Variants in TCF12 observed in about 807,000 individuals in gnomAD.
TCF12 encodes transcription factor 12.
TCF12 carries 45 observed loss-of-function variants against 86.0 expected under a neutral mutation model. That is an observed-to-expected ratio of 0.52 (90% CI 0.41 to 0.67). The LOEUF (loss-of-function observed/expected upper bound fraction) is 0.67. TCF12 is among the 30% of genes least tolerant of loss of function. The pLI, the probability that TCF12 is intolerant of heterozygous loss-of-function variation, is 0.00. For missense variants in TCF12, 881 were observed against 859.9 expected, an observed-to-expected ratio of 1.02 and a Z score of -0.31; for synonymous variants, 330 against 299.6, an observed-to-expected ratio of 1.10 and a Z score of -1.05.
intron 3 of TCF12, among the ~76,000 whole-genome samples, chr15:57,014,937 G>A (rs1029801781): frequency 4.1e-4 from 62 of 150,986 alleles, no homozygotes; most frequent in Admixed American, 2.1e-3. Context: ...TTCTTTTGCA[G>A]TGACTCTTCC....
At chr15:57,057,803 T>G (rs191450831) in intron 3 of TCF12, among the ~76,000 whole-genome samples, 1 of 152,328 alleles carries the variant, frequency 6.6e-6, no homozygotes, top group East Asian at 1.9e-4. Context: ...TTTAGGAGAC[T>G]ATTACAGTAA....
intron 3 of TCF12, among the ~76,000 whole-genome samples, chr15:57,018,447 G>T (rs2585084): frequency 0.95 from 144,239 of 152,236 alleles, 68,573 homozygotes; most frequent in Non-Finnish European, 0.99. Context: ...TCTCTGGGCC[G>T]GATTTATTTA....
chr15:57,198,579 G>A (rs1176546703), intron 8 of TCF12, among the ~76,000 whole-genome samples: 5 of 152,150 alleles, frequency 3.3e-5, no homozygotes, highest in Non-Finnish European at 7.4e-5. Context: ...TACTTGTAAA[G>A]GAACCTGCAT....
intron 16 of TCF12, among the ~76,000 whole-genome samples, chr15:57,260,409 C>T (rs1254496663): frequency 6.6e-6 from 1 of 152,118 alleles, no homozygotes; most frequent in East Asian, 1.9e-4. Flanking sequence ...TATTGTCTTA[C>T]ATAGCTATAA....
chr15:57,185,042 G>A (rs1206105529), intron 6 of TCF12, among the ~76,000 whole-genome samples: 2 of 151,834 alleles, frequency 1.3e-5, no homozygotes, highest in Non-Finnish European at 2.9e-5. Context: ...TGTATCTATT[G>A]GAATTTGTAC....
intron 19 of TCF12, among the ~76,000 whole-genome samples, chr15:57,279,229 G>A (rs1392168211): frequency 4.6e-5 from 7 of 151,944 alleles, no homozygotes; most frequent in Non-Finnish European, 1.0e-4. Context: ...CTTAACCTCA[G>A]CAGCTATCTC....
chr15:57,198,118 G>A (rs2151745773), intron 8 of TCF12, among the ~76,000 whole-genome samples: 1 of 152,300 alleles, frequency 6.6e-6, no homozygotes, highest in East Asian at 1.9e-4. Context: ...GATCTCCTAT[G>A]CAGGTCTTTT....
chr15:57,192,018 T>C (rs899928232), intron 6 of TCF12, 140 bp from the exon 7 acceptor site: 6 of 877,718 alleles, frequency 6.8e-6, no homozygotes, highest in Non-Finnish European at 1.0e-5. Flanking sequence ...AGTGGTCTAA[T>C]TGAATTCAAA....
intron 3 of TCF12, among the ~76,000 whole-genome samples, chr15:56,977,901 C>A (rs144217015): frequency 6.6e-6 from 1 of 152,066 alleles, no homozygotes; most frequent in Non-Finnish European, 1.5e-5. Flanking sequence ...AACTTACTGG[C>A]TTGGAGATAG....
chr15:57,248,544 A>G (rs2059965766), intron 13 of TCF12, among the ~76,000 whole-genome samples: 1 of 152,204 alleles, frequency 6.6e-6, no homozygotes, highest in African/African-American at 2.4e-5. Context: ...CTCAGTAGTA[A>G]TCTTCAGAGC....
intron 5 of TCF12, among the ~76,000 whole-genome samples, chr15:57,105,129 C>T (rs756010705): frequency 7.0e-4 from 105 of 150,724 alleles, no homozygotes; most frequent in Middle Eastern, 3.6e-3. Flanking sequence ...CCACCCTGGC[C>T]TCCCAAAGTG....
At chr15:57,223,105 T>TAAACTTTGTTTAAACTTTAAACAAAGTTA (rs2058679639) in intron 8 of TCF12, among the ~76,000 whole-genome samples, 3 of 152,032 alleles carry the variant, frequency 2.0e-5, no homozygotes, top group African/African-American at 7.2e-5. Flanking sequence ...GAACTTTGTT[T>TAAACTTTGTTTAAACTTTAAACAAAGTTA]ATCTGATTTA....
intron 13 of TCF12, chr15:57,247,379 T>A: frequency 1.5e-6 from 1 of 660,714 alleles, no homozygotes; most frequent in East Asian, 2.6e-5. Flanking sequence ...GTTTCCTCCA[T>A]AATAAAATTG....
chr15:57,029,478 C>T (rs1261437721), intron 3 of TCF12, among the ~76,000 whole-genome samples: 5 of 152,032 alleles, frequency 3.3e-5, no homozygotes, highest in South Asian at 4.1e-4. Flanking sequence ...GGAATTACAT[C>T]GATTATTTGT....
At chr15:57,064,807 AAAAAAAG>A (rs1199096330) in intron 4 of TCF12, among the ~76,000 whole-genome samples, 42 of 145,126 alleles carry the variant, frequency 2.9e-4, no homozygotes, top group African/African-American at 1.0e-3. Context: ...AAAAAAAAAA[AAAAAAAG>A]AGAGAGAGAG....
chr15:57,031,756 A>T (rs1296018448), intron 3 of TCF12, among the ~76,000 whole-genome samples: 6 of 152,134 alleles, frequency 3.9e-5, no homozygotes, highest in African/African-American at 1.4e-4. Context: ...AAGCTCTCTA[A>T]CTCTGGCTTG....
At chr15:57,139,897 C>G (rs1377130212) in intron 5 of TCF12, among the ~76,000 whole-genome samples, 1 of 152,160 alleles carries the variant, frequency 6.6e-6, no homozygotes, top group Non-Finnish European at 1.5e-5. Flanking sequence ...ACTCACAGTC[C>G]TATCATTCAG....
intron 8 of TCF12, among the ~76,000 whole-genome samples, chr15:57,207,168 G>A (rs1167394906): frequency 6.6e-6 from 1 of 152,096 alleles, no homozygotes; most frequent in African/African-American, 2.4e-5. Context: ...TTGGGAATCG[G>A]TTCCAACCCA....
intron 8 of TCF12, among the ~76,000 whole-genome samples, chr15:57,225,895 A>G (rs1415087917): frequency 1.3e-5 from 2 of 151,658 alleles, no homozygotes; most frequent in African/African-American, 4.8e-5. Context: ...GTTTTAGGGT[A>G]CATGTGCACA....
Sources: allele counts gnomAD v4.1 joint callset (sites outside exome capture counted in the v4.1 genomes callset), GRCh38; gene constraint gnomAD v4.1.1; transcripts MANE v1.5; gene names NCBI Gene and HGNC (gene_info 2026-07-23, HGNC 2026-07-21).